Variants in LCT observed in about 807,000 individuals in gnomAD.
LCT encodes lactase/phlorizin hydrolase.
Under a neutral mutation model 173.0 loss-of-function variants are expected in LCT, and 90 were observed. The ratio of observed to expected loss-of-function variants is 0.52; its 90% CI spans 0.44 to 0.62. The LOEUF (loss-of-function observed/expected upper bound fraction) is 0.62. LCT is among the 20% of genes least tolerant of loss of function. The pLI is 0.00. For missense variants in LCT, 1,864 were observed against 2,431.4 expected, an observed-to-expected ratio of 0.77 and a Z score of 4.91; for synonymous variants, 853 against 957.6, an observed-to-expected ratio of 0.89 and a Z score of 2.02.
rs576131677 is a variant in LCT, at chr2:135,809,456, T to C, written c.2891A>G (p.Asn964Ser). 6.2e-7 allele frequency: 1 copy of C among 1,614,206 alleles called. No individual in the cohort carries two copies. The highest frequency in any genetic ancestry group is 1.3e-5 in the African/African-American group (1 of 75,064). ...DSYHQLDADL[N>S]MLRALKVKAY... ...CTTCACCTTCAAAGCTCGGAGCATA[T>C]TCAGATCGGCATCCAGCTGGTGATA... The change falls in exon 8 of 17, where the codon AAT (asparagine) becomes AGT (serine). Residue 964 changes from asparagine to serine, a missense_variant. Physicochemically the swap from Asn to Ser is conservative, Grantham distance 46 (BLOSUM62 1). This residue lies in a region of LCT where 755 missense variants were observed against 926.3 expected (regional missense o/e 0.82). Coordinates refer to ENST00000264162, the MANE Select transcript of LCT (RefSeq NM_002299.4). This position sits in a 1 kb window ranked among gnomAD's most constrained non-coding sequence, Gnocchi z 5.5.
At chr2:135,816,522 A>G (rs1239341009) in intron 6 of LCT, among the ~76,000 whole-genome samples, 2 of 152,226 alleles carry the variant, frequency 1.3e-5, no homozygotes, top group South Asian at 4.1e-4. Flanking sequence ...GGGGAACAGG[A>G]GAGGAACTGG....
At chr2:135,789,955 T>C (rs2077521173) in intron 15 of LCT, among the ~76,000 whole-genome samples, 157 bp from the exon 16 acceptor site, 1 of 152,188 alleles carries the variant, frequency 6.6e-6, no homozygotes, top group African/African-American at 2.4e-5. Context: ...GCCCCTTTCT[T>C]TGCATGCAGT....
At chr2:135,819,074 G>A (rs147662280) in intron 5 of LCT, among the ~76,000 whole-genome samples, 3 of 152,314 alleles carry the variant, frequency 2.0e-5, no homozygotes, top group African/African-American at 7.2e-5. Context: ...TGGATTCCTG[G>A]TGATTATGAG....
intron 10 of LCT, 114 bp downstream of exon 10, chr2:135,804,653 A>G: frequency 9.3e-7 from 1 of 1,072,974 alleles, no homozygotes; most frequent in South Asian, 1.4e-5. Flanking sequence ...AACAACAATA[A>G]CAACAAAAGC....
At chr2:135,833,211 G>C (rs76095950) in intron 1 of LCT, 21 bp from the exon 2 acceptor site, 3 of 1,592,126 alleles carry the variant, frequency 1.9e-6, no homozygotes, top group Admixed American at 1.7e-5. Flanking sequence ...CCAGAGACAC[G>C]AACAGCAGGT....
intron 16 of LCT, among the ~76,000 whole-genome samples, chr2:135,788,912 T>C (rs564723589): frequency 1.3e-5 from 2 of 152,354 alleles, no homozygotes; most frequent in East Asian, 1.9e-4. Context: ...ATATGTTTTA[T>C]ATGCAACTTA....
intron 5 of LCT, among the ~76,000 whole-genome samples, chr2:135,819,115 G>T (rs2077807244): frequency 6.6e-6 from 1 of 152,182 alleles, no homozygotes; most frequent in South Asian, 2.1e-4. Context: ...CTTGCAGGTG[G>T]TGGAGCAGAT....
chr2:135,789,841 A>T (rs985985383), intron 15 of LCT, 43 bp from the exon 16 acceptor site: 18 of 1,537,394 alleles, frequency 1.2e-5, no homozygotes, highest in Non-Finnish European at 1.6e-5. Context: ...CCTATCTCAT[A>T]AGGCAGCTTC....
At chr2:135,807,058 G>A in intron 9 of LCT, 70 bp downstream of exon 9, 2 of 1,558,582 alleles carry the variant, frequency 1.3e-6, no homozygotes, top group Non-Finnish European at 8.8e-7. Flanking sequence ...GCCCTTCCCA[G>A]CACTGAGCCC....
chr2:135,812,513 C>T lies in LCT; in HGVS notation c.2151G>A (p.Trp717Ter), dbSNP rs770253133. 1.9e-6 allele frequency: 3 copies of T among 1,614,228 alleles called. No homozygotes were observed. Among genetic ancestry groups the T allele is most frequent in the South Asian group, 1.1e-5 (1 of 91,086 alleles). The stretch of plus-strand genomic sequence containing the variant: ...GAATCCAAGAGGATGAGGTCTGGGG[C>T]CACACATGGTTCACGTGTTGGGAGA... ...GGFSQHVNHV[W>*]PQTSSSWIRV... Residue 717 changes from tryptophan to a stop codon, truncating the protein, a stop_gained, in exon 7 of 17, where the codon TGG becomes TGA. Coordinates refer to ENST00000264162, the MANE Select transcript of LCT (RefSeq NM_002299.4). LOFTEE classifies it high-confidence loss of function.
chr2:135,821,015 G>A (rs1024290479), intron 5 of LCT, among the ~76,000 whole-genome samples: 1 of 151,978 alleles, frequency 6.6e-6, no homozygotes, highest in Non-Finnish European at 1.5e-5. Flanking sequence ...CGAGTAGCTG[G>A]GAATACAGGC....
rs150796821 is a variant in LCT, at chr2:135,804,096, C to T, written c.4497G>A (p.Thr1499=). ...VTIYHWDLPQ[T]LQDVGGWENE... ...TCTCCCAGCCTCCTACATCTTGGAGCGTCTGTGGTAGGTCCCAGTGGTAAA... is the reference window on the plus strand; with the variant it reads ...TCTCCCAGCCTCCTACATCTTGGAGTGTCTGTGGTAGGTCCCAGTGGTAAA... The change falls in exon 11 of 17, where the codon ACG becomes ACA. Residue 1499 remains threonine (T), a synonymous_variant. Transcript: ENST00000264162. 1.3e-5 allele frequency: 21 copies of T among 1,613,922 alleles called. No individual in the cohort carries two copies. Among genetic ancestry groups the T allele is most frequent in the East Asian group, 2.2e-5 (1 of 44,886 alleles).
In LCT at chr2:135,788,508, T is replaced by A. The variant is rs1366743062; in HGVS notation, c.5600A>T (p.Glu1867Val). ...GAGCATTAGCCCCAGGAACTGCACC[T>A]CCTCCTGTCTCACGGGGCTGATGGT... ...GPTISPVRQEEVQFLGLMLGT... is the reference protein window; with the variant it reads ...GPTISPVRQEVVQFLGLMLGT... The change falls in exon 17 of 17, where the codon GAG (glutamate) becomes GTG (valine). Residue 1867 changes from glutamate (E) to valine (V), a missense_variant. Glu to Val is a moderately radical substitution (Grantham distance 121). Coordinates refer to ENST00000264162, the MANE Select transcript of LCT (RefSeq NM_002299.4). 1.2e-6 allele frequency: 2 copies of A among 1,612,126 alleles called. No individual in the cohort carries two copies. Among genetic ancestry groups the A allele is most frequent in the East Asian group, 2.2e-5 (1 of 44,890 alleles).
Position 135,800,684 on chromosome 2 carries a change from T to A in LCT, c.4789A>T (p.Thr1597Ser), listed in dbSNP as rs770067009. The change falls in exon 12 of 17, where the codon ACC (threonine) becomes TCC (serine). Residue 1597 changes from threonine (T) to serine (S), a missense_variant. Thr to Ser is a moderately conservative substitution (Grantham distance 58). Transcript: ENST00000264162. The stretch of plus-strand genomic sequence containing the variant: ...GGTTCAGCCCAGTCACTGCTGATGG[T>A]GATGGAAATCACGCCACCTTGACTG... ...RASQGGVISI[T>S]ISSDWAEPRD... 2 of 1,613,746 alleles carry A rather than the reference T, an allele frequency of 1.2e-6. No homozygotes were observed. Among genetic ancestry groups the A allele is most frequent in the Non-Finnish European group, 1.7e-6 (2 of 1,180,016 alleles).
At chr2:135,820,604 A>G (rs535949298) in intron 5 of LCT, 16 of 152,436 alleles carry the variant, frequency 1.0e-4, no homozygotes, top group African/African-American at 3.6e-4. Flanking sequence ...TTGGCACTGA[A>G]TGACCCTGAA....
chr2:135,788,928 G>A (rs7574304), intron 16 of LCT, among the ~76,000 whole-genome samples: 3 of 152,166 alleles, frequency 2.0e-5, no homozygotes, highest in African/African-American at 4.8e-5. Flanking sequence ...ACTTATCCAC[G>A]TGGTGTGAAG....
intron 14 of LCT, among the ~76,000 whole-genome samples, chr2:135,793,856 G>A (rs1427485539): frequency 1.3e-5 from 2 of 151,936 alleles, no homozygotes; most frequent in African/African-American, 4.8e-5. Context: ...ATCATCTGAG[G>A]TCAGGAGATA....
At position 135,833,192 on chromosome 2, in the gene LCT, T is replaced by A. The variant is rs1309503321; in HGVS notation, c.641-2A>T. ...GCAGGACAACAGAGAGTTTTCCGCC[T>A]GAAACCAACCAGAGACACGAACAGC... On this transcript the variant is annotated splice_acceptor_variant, in intron 1 of 16. Transcript: ENST00000264162. LOFTEE classifies it high-confidence loss of function. 6.2e-7 allele frequency: 1 copy of A among 1,613,182 alleles called. No individual in the cohort carries two copies. Among genetic ancestry groups the A allele is most frequent in the East Asian group, 2.2e-5 (1 of 44,826 alleles).
At chr2:135,825,653 C>G (rs1262967047) in intron 3 of LCT, among the ~76,000 whole-genome samples, 1 of 152,202 alleles carries the variant, frequency 6.6e-6, no homozygotes, top group Non-Finnish European at 1.5e-5. Flanking sequence ...TGTGCCGCAG[C>G]TCTTCATTTC....
Sources: allele counts gnomAD v4.1 joint callset (sites outside exome capture counted in the v4.1 genomes callset), GRCh38; gene constraint gnomAD v4.1.1; regional missense constraint gnomAD v4.1.1; non-coding constraint Gnocchi (gnomAD v3.1); transcripts MANE v1.5; gene names NCBI Gene and HGNC (gene_info 2026-07-23, HGNC 2026-07-21).